ALDH1A2: variants seen among roughly 807,000 people sequenced by gnomAD.
ALDH1A2 encodes retinal dehydrogenase 2.
ALDH1A2 carries 27 observed loss-of-function variants against 60.3 expected under a neutral mutation model. The ratio of observed to expected loss-of-function variants is 0.45; its 90% CI spans 0.33 to 0.62. ALDH1A2 has a LOEUF of 0.62. Ranked by LOEUF, ALDH1A2 falls within the 20% of genes least tolerant of loss-of-function variation. ALDH1A2 has a pLI of 0.02. For missense variants in ALDH1A2, 581 were observed against 643.8 expected (o/e 0.90, Z 1.06); for synonymous variants, 289 against 232.4 (o/e 1.24, Z -2.21).
intron 1 of ALDH1A2, among the ~76,000 whole-genome samples, chr15:58,047,015 G>C (rs1595688695): frequency 6.6e-6 from 1 of 152,006 alleles, no homozygotes; most frequent in Non-Finnish European, 1.5e-5. Flanking sequence ...TTTTGCAACA[G>C]GAAAACAAGA....
At chr15:58,018,553 T>C (rs1217187829) in intron 1 of ALDH1A2, among the ~76,000 whole-genome samples, 10 of 152,090 alleles carry the variant, frequency 6.6e-5, no homozygotes, top group African/African-American at 2.2e-4. Context: ...TTTCAAAATA[T>C]CTCCCCTCAA....
At chr15:57,966,694 C>A (rs1893907062) in intron 7 of ALDH1A2, among the ~76,000 whole-genome samples, 1 of 152,234 alleles carries the variant, frequency 6.6e-6, no homozygotes, top group African/African-American at 2.4e-5. Flanking sequence ...CCTACCCTTT[C>A]AGCCCAGCAC....
intron 7 of ALDH1A2, among the ~76,000 whole-genome samples, chr15:57,971,036 A>T (rs536496194): frequency 3.3e-5 from 5 of 152,338 alleles, no homozygotes; most frequent in African/African-American, 7.2e-5. Context: ...AAGTGGTAAC[A>T]GCAGTTTAAA....
intron 1 of ALDH1A2, among the ~76,000 whole-genome samples, chr15:58,048,169 CA>C (rs1293934582): frequency 6.6e-5 from 10 of 151,136 alleles, no homozygotes; most frequent in East Asian, 3.9e-4. Flanking sequence ...AGTACAAGGT[CA>C]AAAAAAATGT....
chr15:57,999,710 T>C (rs546889842), intron 4 of ALDH1A2, among the ~76,000 whole-genome samples: 2 of 152,202 alleles, frequency 1.3e-5, no homozygotes, highest in African/African-American at 4.8e-5. Flanking sequence ...GTCCCATTAC[T>C]GAGTATATAC....
chr15:57,960,806 A>G lies in ALDH1A2; in HGVS notation c.1448T>C (p.Phe483Ser). 1.2e-6 allele frequency: 2 copies of G among 1,613,962 alleles called. No individual in the cohort carries two copies. The highest frequency in any genetic ancestry group is 2.2e-5 in the East Asian group (1 of 44,872). ...CYNALNAQSPFGGFKMSGNGR... is the reference protein window; with the variant it reads ...CYNALNAQSPSGGFKMSGNGR... ...ATTTCCAGACATCTTGAATCCCCCA[A>G]AGGGGCTCTGGGCATTTAAGGCATT... The change falls in exon 12 of 13, where the codon TTT (phenylalanine) becomes TCT (serine). Residue 483 changes from phenylalanine (F) to serine (S), a missense_variant. Transcript: ENST00000249750.
rs192931091 is a variant in ALDH1A2, at chr15:58,057,930, A to C, written c.117+7604T>G. 2,381 of 757,056 alleles carry C rather than the reference A, an allele frequency of 3.1e-3. 4 individuals are homozygous for C. Among genetic ancestry groups the C allele is most frequent in the Non-Finnish European group, 4.0e-3 (2,215 of 556,206 alleles). The allele number at this position is 757,056 out of a possible 1,614,324, so 46.9% of individuals were successfully genotyped here. On this transcript the variant is annotated intron_variant, in intron 1 of 12. Coordinates refer to ENST00000249750, the MANE Select transcript of ALDH1A2 (RefSeq NM_003888.4). ...AATAAAAATGACCCTGAGATAATAAAAATTAAAATTAAATTTTATAATAAA... is the reference window on the plus strand; with the variant it reads ...AATAAAAATGACCCTGAGATAATAACAATTAAAATTAAATTTTATAATAAA...
At chr15:58,065,355 G>C (rs1233165014) in intron 1 of ALDH1A2, 179 bp downstream of exon 1, 1 of 690,680 alleles carries the variant, frequency 1.4e-6, no homozygotes, top group Admixed American at 2.2e-5. Context: ...GACCACGGCG[G>C]GGCTTCAAAC....
At chr15:57,959,399 A>C (rs573736294) in intron 12 of ALDH1A2, among the ~76,000 whole-genome samples, 1 of 152,314 alleles carries the variant, frequency 6.6e-6, no homozygotes, top group East Asian at 1.9e-4. Context: ...AATACTAAGA[A>C]CTGAACAAAT....
At chr15:57,981,289 AACACACAC>A (rs775138747) in intron 7 of ALDH1A2, among the ~76,000 whole-genome samples, 256 of 142,136 alleles carry the variant, frequency 1.8e-3, no homozygotes, top group African/African-American at 2.5e-3. Context: ...TAGAAGAGCA[AACACACAC>A]ACACACACAC....
intron 7 of ALDH1A2, among the ~76,000 whole-genome samples, chr15:57,968,466 C>T (rs1460358137): frequency 6.6e-6 from 1 of 152,244 alleles, no homozygotes; most frequent in East Asian, 1.9e-4. Context: ...TCCCTTCCTT[C>T]CTCCCAGCAT....
chr15:57,991,927 T>C (rs921297879), intron 7 of ALDH1A2, among the ~76,000 whole-genome samples: 15 of 152,178 alleles, frequency 9.9e-5, no homozygotes, highest in African/African-American at 3.4e-4. Context: ...CATTTATAAA[T>C]CTTCTTAAGC....
chr15:58,032,308 G>T (rs1389143188), intron 1 of ALDH1A2, among the ~76,000 whole-genome samples: 1 of 152,008 alleles, frequency 6.6e-6, no homozygotes, highest in African/African-American at 2.4e-5. Context: ...TGAACAATGA[G>T]AACACATGGA....
In ALDH1A2 at chr15:57,953,536, T is replaced by C. The variant is rs1324529076; in HGVS notation, c.*1661A>G. 6.5e-6 allele frequency: 1 copy of C among 152,748 alleles called. No individual in the cohort carries two copies. The highest frequency in any genetic ancestry group is 1.5e-5 in the Non-Finnish European group (1 of 68,036). 9.5% of individuals were successfully genotyped at this position (152,748 alleles called of 1,614,324 possible). ...TTTGTTGCAGTCCAAAGGTAACTAG[T>C]TGGTTAGTGGCTATGTCCACTTGGA... On this transcript the variant is annotated 3_prime_UTR_variant, in exon 13 of 13. Coordinates refer to ENST00000249750, the MANE Select transcript of ALDH1A2 (RefSeq NM_003888.4).
chr15:58,040,611 G>A (rs1486009572), intron 1 of ALDH1A2, among the ~76,000 whole-genome samples: 1 of 151,838 alleles, frequency 6.6e-6, no homozygotes, highest in Non-Finnish European at 1.5e-5. Flanking sequence ...CAAAAAACTT[G>A]AACCTTTCCT....
intron 7 of ALDH1A2, among the ~76,000 whole-genome samples, chr15:57,987,087 G>C (rs1247325451): frequency 6.6e-6 from 1 of 152,118 alleles, no homozygotes; most frequent in Non-Finnish European, 1.5e-5. Flanking sequence ...AGCAGATTAA[G>C]CATTACAGAA....
rs533106629 is a variant in ALDH1A2 at position 58,033,473 on chromosome 15, C to T, written c.118-19192G>A. Among the ~76,000 whole-genome samples the T allele has an allele frequency of 3.3e-5, 5 of 151,848 alleles. No homozygotes were observed. In the South Asian group the frequency reaches 6.2e-4, roughly 19 times the overall value. On this transcript the variant is annotated intron_variant, in intron 1 of 12. Coordinates refer to ENST00000249750, the MANE Select transcript of ALDH1A2 (RefSeq NM_003888.4). ...TTTTTGTTTATTCATGGTATTTTATCATGCATATTTAACAACTTCACCTTT... is the reference window on the plus strand; with the variant it reads ...TTTTTGTTTATTCATGGTATTTTATTATGCATATTTAACAACTTCACCTTT...
chr15:57,963,304 T>C (rs1210741221), intron 9 of ALDH1A2, among the ~76,000 whole-genome samples: 1 of 151,988 alleles, frequency 6.6e-6, no homozygotes, highest in African/African-American at 2.4e-5. Context: ...TGGCTTTCTT[T>C]AGAACTGAGA....
At chr15:57,975,502 G>T (rs80102446) in intron 7 of ALDH1A2, among the ~76,000 whole-genome samples, 1 of 152,004 alleles carries the variant, frequency 6.6e-6, no homozygotes, top group Non-Finnish European at 1.5e-5. Context: ...CCCCGATCTG[G>T]AAATCCAAAA....
Sources: allele counts gnomAD v4.1 joint callset (sites outside exome capture counted in the v4.1 genomes callset), GRCh38; gene constraint gnomAD v4.1.1; transcripts MANE v1.5; gene names NCBI Gene and HGNC (gene_info 2026-07-23, HGNC 2026-07-21).